The following ATXN1 variants were observed in gnomAD, a reference collection of about 807,000 sequenced individuals.
The protein encoded by ATXN1 is ataxin 1, also known as ataxin-1.
In ATXN1, 8 loss-of-function variants were observed where a neutral mutation model predicts 56.4. The ratio of observed to expected loss-of-function variants is 0.14; its 90% CI spans 0.08 to 0.26. The LOEUF (loss-of-function observed/expected upper bound fraction) is 0.26. Ranked by LOEUF, ATXN1 falls within the 10% of genes least tolerant of loss-of-function variation. ATXN1 has a pLI of 1.00. For synonymous variants in ATXN1, 514 were observed against 494.6 expected, an observed-to-expected ratio of 1.04 and a Z score of -0.52; for missense variants, 987 against 1,106.5, an observed-to-expected ratio of 0.89 and a Z score of 1.53.
chr6:16,650,089 T>C (rs1349552850), intron 3 of ATXN1, among the ~76,000 whole-genome samples: 1 of 152,150 alleles, frequency 6.6e-6, no homozygotes, highest in Non-Finnish European at 1.5e-5. Context: ...TGAGACACCA[T>C]GCTTGGCCAG....
rs547777997 is a variant in ATXN1, at chr6:16,536,798, T to G, written c.-360-14110A>C. Among the ~76,000 whole-genome samples, 5 of 152,356 alleles carry G rather than the reference T, an allele frequency of 3.3e-5. No individual in the cohort carries two copies. In the South Asian group the frequency reaches 1.0e-3, roughly 32 times the overall value. Reference sequence around the variant, plus strand: ...TTAATTAGCAAAAAGCCATATAGGATATGAGCTCTAGACTCTGCAGAGCTT... The same window carrying G: ...TTAATTAGCAAAAAGCCATATAGGAGATGAGCTCTAGACTCTGCAGAGCTT... On this transcript the variant is annotated intron_variant, in intron 4 of 7. Transcript: ENST00000436367.
At chr6:16,423,532 G>T (rs1295480274) in intron 6 of ATXN1, among the ~76,000 whole-genome samples, 1 of 152,154 alleles carries the variant, frequency 6.6e-6, no homozygotes, top group Non-Finnish European at 1.5e-5. Context: ...GGTTTTAGGG[G>T]CTCTCTTCAC....
chr6:16,559,951 T>C (rs549281160), intron 4 of ATXN1, among the ~76,000 whole-genome samples: 1 of 152,300 alleles, frequency 6.6e-6, no homozygotes, highest in South Asian at 2.1e-4. Context: ...CTAAGCTTCC[T>C]GTACACATGT....
intron 3 of ATXN1, among the ~76,000 whole-genome samples, chr6:16,625,620 G>A (rs1450765271): frequency 6.6e-6 from 1 of 152,020 alleles, no homozygotes; most frequent in Non-Finnish European, 1.5e-5. Flanking sequence ...TGCCAGGCAC[G>A]ATGCCAGACA....
chr6:16,662,896 T>G (rs917700542), intron 2 of ATXN1, among the ~76,000 whole-genome samples: 1 of 152,176 alleles, frequency 6.6e-6, no homozygotes, highest in Admixed American at 6.5e-5. Flanking sequence ...GTAAAGGGTT[T>G]TCCCTGAAAC....
At chr6:16,701,031 AC>A (rs1759272911) in intron 2 of ATXN1, among the ~76,000 whole-genome samples, 1 of 152,014 alleles carries the variant, frequency 6.6e-6, no homozygotes, top group African/African-American at 2.4e-5. Context: ...TAATATCTGA[AC>A]AGAAGCGAGG....
intron 6 of ATXN1, among the ~76,000 whole-genome samples, chr6:16,412,411 G>C (rs969860202): frequency 1.3e-5 from 2 of 152,148 alleles, no homozygotes; most frequent in African/African-American, 4.8e-5. Flanking sequence ...GCCCATTAAA[G>C]CATGTAACCA....
At chr6:16,594,127 T>C (rs1762773059) in intron 3 of ATXN1, among the ~76,000 whole-genome samples, 5 of 145,566 alleles carry the variant, frequency 3.4e-5, no homozygotes, top group Admixed American at 2.2e-4. Flanking sequence ...AATTAATATA[T>C]ATATTAGTCT....
At chr6:16,674,066 T>A (rs1758603815) in intron 2 of ATXN1, among the ~76,000 whole-genome samples, 1 of 152,120 alleles carries the variant, frequency 6.6e-6, no homozygotes, top group Non-Finnish European at 1.5e-5. Flanking sequence ...TATATATATA[T>A]TCTTACATTG....
chr6:16,324,663 T>C (rs1002368787), intron 7 of ATXN1, among the ~76,000 whole-genome samples: 3 of 152,228 alleles, frequency 2.0e-5, no homozygotes, highest in Non-Finnish European at 1.5e-5. Context: ...AGCTCTCAGC[T>C]GCAGGCTGAA....
chr6:16,311,964 G>A (rs974496123), intron 7 of ATXN1, among the ~76,000 whole-genome samples: 1 of 152,166 alleles, frequency 6.6e-6, no homozygotes, highest in Non-Finnish European at 1.5e-5. Flanking sequence ...CCTCTTTTCT[G>A]GTTCTGCGTG....
In ATXN1 at chr6:16,524,489, T is replaced by G. The variant is rs150923160; in HGVS notation, c.-360-1801A>C. ...AATTCTTGAGACCACGAAAACTGAT[T>G]TCAAAGTCAGACCTCAGTCTGAGCC... On this transcript the variant is annotated intron_variant, in intron 4 of 7. Coordinates refer to ENST00000436367, the MANE Select transcript of ATXN1 (RefSeq NM_001128164.2). Among the ~76,000 whole-genome samples the G allele has an allele frequency of 1.3e-3, 198 of 152,292 alleles. 1 individual carries two copies. The highest frequency in any genetic ancestry group is 4.4e-3 in the African/African-American group (184 of 41,560).
intron 6 of ATXN1, among the ~76,000 whole-genome samples, chr6:16,428,187 C>T (rs993298516): frequency 1.3e-5 from 2 of 149,034 alleles, no homozygotes; most frequent in African/African-American, 2.5e-5. Context: ...GGGGCAATCT[C>T]GGCTCACTGC....
chr6:16,692,368 T>C (rs959745125), intron 2 of ATXN1, among the ~76,000 whole-genome samples: 2 of 152,206 alleles, frequency 1.3e-5, no homozygotes, highest in African/African-American at 2.4e-5. Flanking sequence ...AAATTAACTA[T>C]ATGGCAAGTA....
At chr6:16,372,421 C>T (rs930930464) in intron 6 of ATXN1, among the ~76,000 whole-genome samples, 3 of 152,118 alleles carry the variant, frequency 2.0e-5, no homozygotes, top group East Asian at 3.8e-4. Context: ...AACTGCAAAC[C>T]GAGTGAAAGC....
chr6:16,308,322 T>TCTCACACACACA lies in ATXN1; in HGVS notation c.1918-1464_1918-1463insTGTGTGTGTGAG, dbSNP rs1243206488. On this transcript the variant is annotated intron_variant, in intron 7 of 7. Coordinates refer to ENST00000436367, the MANE Select transcript of ATXN1 (RefSeq NM_001128164.2). ...GCCTGGGCGACAGAGTGAAACTCCGTCACACACACACACACACACACACAC... is the reference window on the plus strand; with the variant it reads ...GCCTGGGCGACAGAGTGAAACTCCGTCTCACACACACACACACACACACACACACACACACAC... 3.8e-4 allele frequency among the ~76,000 whole-genome samples: 51 copies of TCTCACACACACA among 132,728 alleles called. No individual in the cohort carries two copies. The East Asian group carries it at 7.7e-3, about 20-fold the overall frequency. The allele number at this position is 132,728 out of a possible 152,430, so 87.1% of individuals were successfully genotyped here. A position where few individuals can be genotyped will look rare whatever the true frequency, so the allele number is the denominator to read the frequency against.
At chr6:16,600,072 T>G (rs935466073) in intron 3 of ATXN1, among the ~76,000 whole-genome samples, 1 of 152,228 alleles carries the variant, frequency 6.6e-6, no homozygotes, top group Non-Finnish European at 1.5e-5. Flanking sequence ...TTGGCCATTG[T>G]TTTTTATTTA....
At chr6:16,754,106 G>A (rs186149464) in intron 1 of ATXN1, 11 of 152,232 alleles carry the variant, frequency 7.2e-5, no homozygotes, top group African/African-American at 1.2e-4. Context: ...GCATAGAAAC[G>A]GAAGAAGTTG....
chr6:16,367,495 G>C (rs1028770322), intron 6 of ATXN1, among the ~76,000 whole-genome samples: 1 of 152,124 alleles, frequency 6.6e-6, no homozygotes, highest in African/African-American at 2.4e-5. Context: ...GAAGTTGTCT[G>C]ATTTGTACAC....
Sources: allele counts gnomAD v4.1 joint callset (sites outside exome capture counted in the v4.1 genomes callset), GRCh38; gene constraint gnomAD v4.1.1; transcripts MANE v1.5; gene names NCBI Gene and HGNC (gene_info 2026-07-23, HGNC 2026-07-21).